Variants in SRPK2 observed in about 807,000 individuals in gnomAD.
The protein encoded by SRPK2 is SRSF protein kinase 2.
Under a neutral mutation model 90.8 loss-of-function variants are expected in SRPK2, and 21 were observed. The ratio of observed to expected loss-of-function variants is 0.23; its 90% CI spans 0.16 to 0.33. SRPK2 has a LOEUF of 0.33. SRPK2 is among the 10% of genes least tolerant of loss of function. SRPK2 has a pLI of 1.00. For missense variants in SRPK2, 620 were observed against 869.0 expected, an observed-to-expected ratio of 0.71 and a Z score of 3.60; for synonymous variants, 288 against 311.1, an observed-to-expected ratio of 0.93 and a Z score of 0.78.
At chr7:105,176,619 G>GTGTGTA (rs1554439330) in intron 3 of SRPK2, among the ~76,000 whole-genome samples, 1 of 9,490 alleles carries the variant, frequency 1.1e-4, no homozygotes, top group Non-Finnish European at 2.6e-4. Context: ...GTATACGTGT[G>GTGTGTA]TGTATATATA....
At chr7:105,256,539 T>C (rs1373065666) in intron 2 of SRPK2, among the ~76,000 whole-genome samples, 1 of 152,176 alleles carries the variant, frequency 6.6e-6, no homozygotes, top group African/African-American at 2.4e-5. Context: ...AATTATTTTG[T>C]AGAGACGGGG....
rs373532012 is a variant in SRPK2 at position 105,239,953 on chromosome 7, A to G, written c.72-36168T>C. Reference sequence around the variant, plus strand: ...AAGATGAATCCTGATGAAATTCCCTATCTCCACTGATCAAATTCTACTTAC... The same window carrying G: ...AAGATGAATCCTGATGAAATTCCCTGTCTCCACTGATCAAATTCTACTTAC... On this transcript the variant is annotated intron_variant, in intron 2 of 15. Transcript: ENST00000393651. Among the ~76,000 whole-genome samples the G allele has an allele frequency of 1.1e-4, 16 of 152,288 alleles. No homozygotes were observed. The East Asian group carries it at 2.3e-3, about 22-fold the overall frequency.
In SRPK2 at chr7:105,396,626, G is replaced by A. The variant is rs192902132; in HGVS notation, n.153+2530C>T. On this transcript the variant is annotated intron_variant and non_coding_transcript_variant, in intron 1 of 3. Coordinates refer to the SRPK2 transcript ENST00000462282. ...AGCCTGGGCAACAGAGCGACACTCC[G>A]TCTTGAAAGAAAGAAAGGGAGAGAG... Among the ~76,000 whole-genome samples, 15 of 146,900 alleles carry A rather than the reference G, an allele frequency of 1.0e-4. No homozygotes were observed. The East Asian group carries it at 2.6e-3, about 26-fold the overall frequency.
chr7:105,215,875 TG>T (rs952480760), intron 2 of SRPK2, among the ~76,000 whole-genome samples: 4 of 151,758 alleles, frequency 2.6e-5, no homozygotes, highest in African/African-American at 4.8e-5. Context: ...TGAAGTTTTT[TG>T]GGGGGGTGAT....
intron 2 of SRPK2, among the ~76,000 whole-genome samples, chr7:105,343,517 A>T (rs566094961): frequency 6.6e-6 from 1 of 152,326 alleles, no homozygotes; most frequent in Admixed American, 6.5e-5. Flanking sequence ...GACAAGGTGA[A>T]GGCCAGGAAA....
intron 2 of SRPK2, among the ~76,000 whole-genome samples, chr7:105,271,454 G>GT (rs1241620242): frequency 6.6e-6 from 1 of 152,162 alleles, no homozygotes; most frequent in East Asian, 1.9e-4. Context: ...ATCAAGGAAC[G>GT]TTAACACTAT....
At chr7:105,227,286 C>A (rs934790320) in intron 2 of SRPK2, among the ~76,000 whole-genome samples, 14 of 152,162 alleles carry the variant, frequency 9.2e-5, no homozygotes, top group Non-Finnish European at 1.8e-4. Context: ...GCATCCATCA[C>A]CCAAGCAGTA....
chr7:105,373,692 C>T (rs1017333447), intron 2 of SRPK2, among the ~76,000 whole-genome samples: 3 of 151,972 alleles, frequency 2.0e-5, no homozygotes, highest in Non-Finnish European at 4.4e-5. Context: ...TGTGGGCCAC[C>T]GCGCCTGGCT....
At chr7:105,209,006 G>C (rs1796540729) in intron 2 of SRPK2, among the ~76,000 whole-genome samples, 1 of 151,934 alleles carries the variant, frequency 6.6e-6, no homozygotes, top group East Asian at 1.9e-4. Flanking sequence ...CCCCAATACA[G>C]CTATAGATAT....
At chr7:105,337,174 G>A (rs1339548357) in intron 2 of SRPK2, among the ~76,000 whole-genome samples, 1 of 152,100 alleles carries the variant, frequency 6.6e-6, no homozygotes, top group Non-Finnish European at 1.5e-5. Flanking sequence ...TGTAATAAAT[G>A]CATGATTGCT....
At chr7:105,247,695 G>A (rs1228837196) in intron 2 of SRPK2, among the ~76,000 whole-genome samples, 1 of 149,310 alleles carries the variant, frequency 6.7e-6, no homozygotes, top group East Asian at 2.0e-4. Context: ...TATTTTAATT[G>A]ACTGTATTAA....
chr7:105,251,609 C>T (rs1802490096), intron 2 of SRPK2, among the ~76,000 whole-genome samples: 1 of 152,204 alleles, frequency 6.6e-6, no homozygotes, highest in Non-Finnish European at 1.5e-5. Flanking sequence ...AATATAATAA[C>T]ACCTACCATC....
intron 2 of SRPK2, among the ~76,000 whole-genome samples, chr7:105,308,596 T>C (rs1238153541): frequency 1.3e-5 from 2 of 152,168 alleles, no homozygotes; most frequent in African/African-American, 4.8e-5. Context: ...ACTTTTCCAA[T>C]TGGCAAGACC....
chr7:105,373,335 T>C lies in SRPK2; in HGVS notation c.71+15313A>G, dbSNP rs183412340. On this transcript the variant is annotated intron_variant, in intron 2 of 15. Coordinates refer to ENST00000393651, the MANE Select transcript of SRPK2 (RefSeq NM_182692.3). ...CTCATTCTCCTTAGACTTCTCTCCC[T>C]CAACCGGTTTATCCTTTAACTTTCC... Among the ~76,000 whole-genome samples, 324 of 150,492 alleles carry C rather than the reference T, an allele frequency of 2.2e-3. 3 individuals carry two copies. The highest frequency in any genetic ancestry group is 3.4e-3 in the Non-Finnish European group (232 of 67,622).
chr7:105,180,062 A>T (rs1442984709), intron 3 of SRPK2, among the ~76,000 whole-genome samples: 1 of 152,172 alleles, frequency 6.6e-6, no homozygotes, highest in East Asian at 1.9e-4. Context: ...GGCATTCTTC[A>T]CAGAATTAGA....
intron 3 of SRPK2, among the ~76,000 whole-genome samples, chr7:105,188,577 C>T (rs1793886089): frequency 1.3e-5 from 2 of 152,140 alleles, no homozygotes; most frequent in Non-Finnish European, 2.9e-5. Context: ...GACAAAAAAT[C>T]CCCAACAAAA....
rs556724449 is a variant in SRPK2 at position 105,143,113 on chromosome 7, G to A, written c.1031C>T (p.Ala344Val). 65 of 1,614,064 alleles carry A rather than the reference G, an allele frequency of 4.0e-5. No individual in the cohort carries two copies. Among genetic ancestry groups the A allele is most frequent in the South Asian group, 3.8e-4 (35 of 91,078 alleles). ...GTCCTTTGCAGTCTCTGCCTCAGCCGCCTCCTCTAATCCTGTTGTTTTTAG... is the reference window on the plus strand; with the variant it reads ...GTCCTTTGCAGTCTCTGCCTCAGCCACCTCCTCTAATCCTGTTGTTTTTAG... ...VKLKTTGLEE[A>V]AEAETAKDNG... The change falls in exon 10 of 16, where the codon GCG becomes GTG. Residue 344 changes from alanine (A) to valine (V), a missense_variant. By Grantham distance (64) the Ala-to-Val change is moderately conservative. Transcript: ENST00000393651.
intron 3 of SRPK2, among the ~76,000 whole-genome samples, chr7:105,181,987 C>T (rs577562321): frequency 2.1e-4 from 32 of 151,154 alleles, no homozygotes; most frequent in African/African-American, 7.5e-4. Context: ...CCAGCACTTT[C>T]GGGGGCCAAG....
At chr7:105,261,806 G>A (rs1036885172) in intron 2 of SRPK2, among the ~76,000 whole-genome samples, 8 of 152,136 alleles carry the variant, frequency 5.3e-5, no homozygotes, top group African/African-American at 7.2e-5. Context: ...TCACTGATAC[G>A]CCCCACTGTC....
Sources: allele counts gnomAD v4.1 joint callset (sites outside exome capture counted in the v4.1 genomes callset), GRCh38; gene constraint gnomAD v4.1.1; transcripts MANE v1.5; gene names NCBI Gene and HGNC (gene_info 2026-07-23, HGNC 2026-07-21).